The following ARHGAP5 variants were observed in gnomAD, a reference collection of about 807,000 sequenced individuals.
The protein encoded by ARHGAP5 is rho GTPase-activating protein 5.
ARHGAP5 carries 23 observed loss-of-function variants against 116.6 expected under a neutral mutation model. The observed-to-expected ratio is 0.20, with a 90% CI of 0.14 to 0.28. The LOEUF (loss-of-function observed/expected upper bound fraction) is 0.28. Among genes scored for constraint, ARHGAP5 ranks in the 10% least tolerant of loss-of-function variants. The pLI is 1.00. For missense variants in ARHGAP5, 1,405 were observed against 1,774.8 expected, an observed-to-expected ratio of 0.79 and a Z score of 3.74; for synonymous variants, 574 against 602.0, an observed-to-expected ratio of 0.95 and a Z score of 0.68.
At chr14:32,115,092 CT>C (rs1373028267) in intron 2 of ARHGAP5, among the ~76,000 whole-genome samples, 15 of 152,268 alleles carry the variant, frequency 9.9e-5, no homozygotes, top group Admixed American at 7.2e-4. Context: ...ACTTGCCCAT[CT>C]TTGTATACTT....
At chr14:32,132,976 T>G (rs1313587988) in intron 3 of ARHGAP5, among the ~76,000 whole-genome samples, 2 of 152,210 alleles carry the variant, frequency 1.3e-5, no homozygotes, top group South Asian at 4.1e-4. Flanking sequence ...CCATGCTGTT[T>G]TGGTTACTGT....
At position 32,092,983 on chromosome 14, in the gene ARHGAP5, G is replaced by T; in HGVS notation, c.2314G>T (p.Asp772Tyr). The T allele has an allele frequency of 6.2e-7, 1 of 1,613,998 alleles. No individual in the cohort carries two copies. The highest frequency in any genetic ancestry group is 2.2e-5 in the East Asian group (1 of 44,874). ...DVVSPIPANKDLSEADLRIVM... is the reference protein window; with the variant it reads ...DVVSPIPANKYLSEADLRIVM... ...GGTGAGCCCAATTCCTGCCAATAAG[G>T]ACTTATCAGAAGCTGACTTGAGAAT... Residue 772 changes from aspartate to tyrosine, a missense_variant, in exon 2 of 7, where the codon GAC becomes TAC. Physicochemically the swap from Asp to Tyr is radical, Grantham distance 160. Around this residue, in one of 6 missense-constraint regions of ARHGAP5, gnomAD observed 944 missense variants for 1,095.3 expected, o/e 0.86. Coordinates refer to ENST00000345122, the MANE Select transcript of ARHGAP5 (RefSeq NM_001030055.2). The surrounding 1 kb of genome is among the most constrained non-coding windows in gnomAD (Gnocchi z 4.1).
chr14:32,109,905 C>T (rs1187408511), intron 2 of ARHGAP5, among the ~76,000 whole-genome samples: 1 of 151,880 alleles, frequency 6.6e-6, no homozygotes, highest in Non-Finnish European at 1.5e-5. Flanking sequence ...TTTTTCCCCC[C>T]ACTGTTGGTC....
intron 3 of ARHGAP5, among the ~76,000 whole-genome samples, chr14:32,126,400 A>G (rs1880155343): frequency 6.6e-6 from 1 of 152,088 alleles, no homozygotes; most frequent in Non-Finnish European, 1.5e-5. Flanking sequence ...TGGCAGCTGT[A>G]TTACTACAAT....
rs138543554 is a variant in ARHGAP5 at position 32,152,443 on chromosome 14, C to A, written c.4096C>A (p.Arg1366Ser). 2 of 1,604,086 alleles carry A rather than the reference C, an allele frequency of 1.2e-6. No individual in the cohort carries two copies. Among genetic ancestry groups the A allele is most frequent in the East Asian group, 4.5e-5 (2 of 44,654 alleles). ...TACAGAAATCCCGGATAAAACAGAA[C>A]GTCTTCATGCCTTGAAAGAAATTGT... ...EAAKIPDKTERLHALKEIVKK... is the reference protein window; with the variant it reads ...EAAKIPDKTESLHALKEIVKK... Residue 1366 changes from arginine (R) to serine (S), a missense_variant, in exon 6 of 7, where the codon CGT (arginine) becomes AGT (serine). This residue lies in a region of ARHGAP5 where 176 missense variants were observed against 221.2 expected (regional missense o/e 0.80). Coordinates refer to ENST00000345122, the MANE Select transcript of ARHGAP5 (RefSeq NM_001030055.2).
At chr14:32,114,737 A>T (rs181203780) in intron 2 of ARHGAP5, among the ~76,000 whole-genome samples, 7 of 152,308 alleles carry the variant, frequency 4.6e-5, no homozygotes, top group African/African-American at 1.4e-4. Flanking sequence ...AATTGAAAGG[A>T]TTTAATTAAG....
rs1284508166 is a variant in ARHGAP5 at position 32,155,942 on chromosome 14, T to C, written c.*994T>C. The C allele has an allele frequency of 6.6e-6, 1 of 152,542 alleles. No homozygotes were observed. The highest frequency in any genetic ancestry group is 1.5e-5 in the Non-Finnish European group (1 of 67,944). 9.4% of individuals were successfully genotyped at this position (152,542 alleles called of 1,614,324 possible). On this transcript the variant is annotated 3_prime_UTR_variant, in exon 7 of 7. Coordinates refer to ENST00000345122, the MANE Select transcript of ARHGAP5 (RefSeq NM_001030055.2). ...CAATTTAATTTGTTCCTTGAATCTATTTTTATGTGGCCCTTAAAAAATATC... is the reference window on the plus strand; with the variant it reads ...CAATTTAATTTGTTCCTTGAATCTACTTTTATGTGGCCCTTAAAAAATATC...
intron 3 of ARHGAP5, among the ~76,000 whole-genome samples, chr14:32,118,849 A>G (rs962345753): frequency 6.6e-6 from 1 of 152,188 alleles, no homozygotes; most frequent in Non-Finnish European, 1.5e-5. Flanking sequence ...TAATAAAATT[A>G]TAGATTAGTG....
chr14:32,078,315 T>C (rs1039313400), intron 1 of ARHGAP5: 1 of 152,196 alleles, frequency 6.6e-6, no homozygotes, highest in Admixed American at 6.5e-5. Context: ...AAACTGTTAT[T>C]AGGCCGTTTA....
At chr14:32,110,970 T>C (rs1252790709) in intron 2 of ARHGAP5, among the ~76,000 whole-genome samples, 2 of 152,218 alleles carry the variant, frequency 1.3e-5, no homozygotes, top group African/African-American at 4.8e-5. Context: ...TGAGAGGTTT[T>C]TCTTAGACTT....
At chr14:32,137,998 C>T (rs1471397964) in intron 3 of ARHGAP5, among the ~76,000 whole-genome samples, 1 of 151,308 alleles carries the variant, frequency 6.6e-6, no homozygotes, top group Non-Finnish European at 1.5e-5. Context: ...AAAATTTCAC[C>T]TTCCAATCCA....
intron 3 of ARHGAP5, among the ~76,000 whole-genome samples, chr14:32,141,655 TC>T (rs1344662101): frequency 6.6e-6 from 1 of 152,182 alleles, no homozygotes; most frequent in Non-Finnish European, 1.5e-5. Flanking sequence ...TTAGAGAACT[TC>T]CTTAACTCTC....
intron 1 of ARHGAP5, among the ~76,000 whole-genome samples, chr14:32,077,736 C>T (rs1193649214): frequency 2.0e-5 from 3 of 151,964 alleles, no homozygotes; most frequent in Admixed American, 1.3e-4. Context: ...CGGGGATCGC[C>T]GGCCCCGCCA....
chr14:32,114,691 A>C (rs1879466581), intron 2 of ARHGAP5, among the ~76,000 whole-genome samples: 1 of 152,192 alleles, frequency 6.6e-6, no homozygotes, highest in African/African-American at 2.4e-5. Flanking sequence ...GTTAGGTTTC[A>C]TGAGCTCTGA....
intron 3 of ARHGAP5, among the ~76,000 whole-genome samples, chr14:32,130,384 T>G (rs567342010): frequency 2.0e-5 from 3 of 148,164 alleles, no homozygotes; most frequent in South Asian, 2.1e-4. Flanking sequence ...GCTAATTTTT[T>G]GGGTTTTTTT....
intron 4 of ARHGAP5, among the ~76,000 whole-genome samples, chr14:32,147,759 G>C (rs915160997): frequency 9.9e-5 from 15 of 152,210 alleles, no homozygotes; most frequent in Non-Finnish European, 2.9e-5. Context: ...TGTTGAAGTG[G>C]CAAAACATCA....
intron 3 of ARHGAP5, among the ~76,000 whole-genome samples, chr14:32,136,275 T>G (rs1283462151): frequency 6.6e-6 from 1 of 152,220 alleles, no homozygotes; most frequent in Non-Finnish European, 1.5e-5. Flanking sequence ...CCCATTAAAG[T>G]CATTCCTCAG....
At chr14:32,148,163 A>AATCT (rs71441707) in intron 4 of ARHGAP5, among the ~76,000 whole-genome samples, 46,378 of 147,334 alleles carry the variant, frequency 0.31, 7,332 homozygotes, top group Middle Eastern at 0.38. Context: ...AAAAAAAAGA[A>AATCT]ATCTATCTAT....
chr14:32,146,681 G>A (rs3784166), intron 4 of ARHGAP5, among the ~76,000 whole-genome samples: 10,043 of 152,172 alleles, frequency 0.066, 536 homozygotes, highest in East Asian at 0.25. Flanking sequence ...TGAAAACGAG[G>A]CAGTTGAGTC....
Sources: allele counts gnomAD v4.1 joint callset (sites outside exome capture counted in the v4.1 genomes callset), GRCh38; gene constraint gnomAD v4.1.1; regional missense constraint gnomAD v4.1.1; non-coding constraint Gnocchi (gnomAD v3.1); transcripts MANE v1.5; gene names NCBI Gene and HGNC (gene_info 2026-07-23, HGNC 2026-07-21).